The following PLD1 variants were observed in gnomAD, a reference collection of about 807,000 sequenced individuals.
PLD1 encodes phospholipase D1, also known as choline phosphatase 1.
Under a neutral mutation model 137.1 loss-of-function variants are expected in PLD1, and 112 were observed. The ratio of observed to expected loss-of-function variants is 0.82; its 90% CI spans 0.70 to 0.96. PLD1 has a LOEUF of 0.96. Among genes scored for constraint, PLD1 ranks in the 40% least tolerant of loss-of-function variants. The pLI, the probability that PLD1 is intolerant of heterozygous loss-of-function variation, is 0.00. For missense variants in PLD1, 1,321 were observed against 1,342.0 expected (o/e 0.98, Z 0.24); for synonymous variants, 431 against 454.7 (o/e 0.95, Z 0.66).
At chr3:171,686,547 C>T (rs1714575910) in intron 16 of PLD1, 138 bp downstream of exon 16, 1 of 622,844 alleles carries the variant, frequency 1.6e-6, no homozygotes, top group East Asian at 2.7e-5. Flanking sequence ...TTGCACAGAG[C>T]AGGCTCTCAA....
chr3:171,721,331 A>T (rs989087383), intron 8 of PLD1: 8 of 152,534 alleles, frequency 5.2e-5, no homozygotes, highest in African/African-American at 1.9e-4. Flanking sequence ...CAAGGAAGGA[A>T]GCCACAGAGA....
chr3:171,686,466 T>C (rs560873413), intron 16 of PLD1, among the ~76,000 whole-genome samples: 2 of 152,082 alleles, frequency 1.3e-5, no homozygotes, highest in South Asian at 4.1e-4. Flanking sequence ...GCATTTTCTC[T>C]TATTAGGTCT....
intron 6 of PLD1, among the ~76,000 whole-genome samples, chr3:171,731,706 C>A (rs4243417): frequency 0.52 from 78,547 of 151,594 alleles, 21,508 homozygotes; most frequent in African/African-American, 0.7. Flanking sequence ...CGGGAGGCGG[C>A]GGTTGCAGTG....
At chr3:171,772,599 G>A (rs1045995495) in intron 1 of PLD1, among the ~76,000 whole-genome samples, 2 of 152,110 alleles carry the variant, frequency 1.3e-5, no homozygotes, top group African/African-American at 2.4e-5. Context: ...AAGAAAACGA[G>A]CCTCAAGACC....
chr3:171,623,240 T>C (rs1008906592), intron 23 of PLD1, among the ~76,000 whole-genome samples: 4 of 151,494 alleles, frequency 2.6e-5, no homozygotes, highest in African/African-American at 7.3e-5. Flanking sequence ...GTAGTTTGTA[T>C]GGAAAAATAA....
At chr3:171,611,715 G>T (rs958203614) in intron 25 of PLD1, 5 of 482,574 alleles carry the variant, frequency 1.0e-5, no homozygotes, top group African/African-American at 2.0e-5. Flanking sequence ...TTATATCCTT[G>T]TATTACTGGA....
chr3:171,780,892 C>G (rs1722772638), intron 1 of PLD1, among the ~76,000 whole-genome samples: 1 of 152,200 alleles, frequency 6.6e-6, no homozygotes, highest in African/African-American at 2.4e-5. Flanking sequence ...TCTCCACAAA[C>G]TGATCTATAG....
rs543436205 is a variant in PLD1, at chr3:171,625,110, G to A, written c.2594-4590C>T. Among the ~76,000 whole-genome samples the A allele has an allele frequency of 2.2e-4, 34 of 152,152 alleles. No individual in the cohort carries two copies. In the South Asian group the frequency reaches 5.2e-3, roughly 23 times the overall value. ...GTTCCCCTTCCTAGTCAAAGAAAGG[G>A]GTGACAGATGGCACCTGGAAAATCG... On this transcript the variant is annotated intron_variant, in intron 23 of 26. Coordinates refer to ENST00000351298, the MANE Select transcript of PLD1 (RefSeq NM_002662.5).
At chr3:171,745,225 T>C (rs1720058253) in intron 1 of PLD1, among the ~76,000 whole-genome samples, 1 of 152,218 alleles carries the variant, frequency 6.6e-6, no homozygotes, top group African/African-American at 2.4e-5. Context: ...CTATTTCAAA[T>C]GTTGATGGTT....
At chr3:171,653,616 G>T (rs1290981971) in intron 21 of PLD1, 2 of 152,124 alleles carry the variant, frequency 1.3e-5, no homozygotes, top group Non-Finnish European at 2.9e-5. Context: ...GAACATTTAA[G>T]CATCTTTTAA....
chr3:171,636,316 T>C lies in PLD1; in HGVS notation c.2593+6524A>G, dbSNP rs377040366. 3.3e-5 allele frequency among the ~76,000 whole-genome samples: 5 copies of C among 152,078 alleles called. No individual in the cohort carries two copies. The South Asian group carries it at 1.0e-3, about 32-fold the overall frequency. On this transcript the variant is annotated intron_variant, in intron 23 of 26. Transcript: ENST00000351298. ...TAGCTTGTCAATTTTTTCAAAAAGGTAGTTGGGGTTTTGGTAGGGATTGTG... is the reference window on the plus strand; with the variant it reads ...TAGCTTGTCAATTTTTTCAAAAAGGCAGTTGGGGTTTTGGTAGGGATTGTG...
chr3:171,687,593 A>ATT lies in PLD1; in HGVS notation c.1540-10_1540-9insAA. 1 of 1,573,296 alleles carries ATT rather than the reference A, an allele frequency of 6.4e-7. No homozygotes were observed. The highest frequency in any genetic ancestry group is 8.7e-7 in the Non-Finnish European group (1 of 1,149,198). ...GACTCCATTGCGGCAGGCTGAGAAA[A>ATT]ATTTTTTTTTAAAAAAAGACACTGC... On this transcript the variant is annotated splice_polypyrimidine_tract_variant and intron_variant, in intron 14 of 26. Transcript: ENST00000351298.
At chr3:171,758,077 A>G (rs1721148618) in intron 1 of PLD1, among the ~76,000 whole-genome samples, 1 of 152,214 alleles carries the variant, frequency 6.6e-6, no homozygotes, top group African/African-American at 2.4e-5. Context: ...CTACCTTAAC[A>G]TGCCAGGCAT....
intron 12 of PLD1, among the ~76,000 whole-genome samples, chr3:171,699,145 A>G (rs894334984): frequency 6.6e-6 from 1 of 152,202 alleles, no homozygotes; most frequent in Admixed American, 6.5e-5. Flanking sequence ...GAATGCAGTC[A>G]TTAGTGAGCC....
At chr3:171,784,789 G>C (rs1007572023) in intron 1 of PLD1, among the ~76,000 whole-genome samples, 6 of 152,078 alleles carry the variant, frequency 3.9e-5, no homozygotes, top group Non-Finnish European at 7.4e-5. Context: ...CTATCACTTT[G>C]TATCTGGTAT....
intron 22 of PLD1, among the ~76,000 whole-genome samples, chr3:171,644,145 T>C (rs1736001602): frequency 6.6e-6 from 1 of 152,162 alleles, no homozygotes; most frequent in African/African-American, 2.4e-5. Context: ...TCAGAAGGGT[T>C]TGATTAGAAA....
intron 11 of PLD1, among the ~76,000 whole-genome samples, chr3:171,701,686 G>A (rs1195319492): frequency 1.3e-5 from 2 of 152,290 alleles, no homozygotes; most frequent in South Asian, 2.1e-4. Flanking sequence ...TATAAACCAT[G>A]GCTGCATGGC....
At chr3:171,683,984 G>T (rs1714277148) in intron 16 of PLD1, among the ~76,000 whole-genome samples, 1 of 152,068 alleles carries the variant, frequency 6.6e-6, no homozygotes, top group African/African-American at 2.4e-5. Context: ...TTGACGTTTA[G>T]GTTGTTCTCT....
chr3:171,794,098 C>T (rs944141902), intron 1 of PLD1, among the ~76,000 whole-genome samples: 3 of 149,082 alleles, frequency 2.0e-5, no homozygotes, highest in Non-Finnish European at 3.0e-5. Flanking sequence ...GAGCCGAGAT[C>T]GTGCCACTGC....
Sources: gnomAD v4.1 joint callset for allele counts (sites outside exome capture counted in the v4.1 genomes callset) on GRCh38, gnomAD v4.1.1 for gene constraint, MANE v1.5 for transcripts, NCBI Gene and HGNC (gene_info 2026-07-23, HGNC 2026-07-21) for gene names.